The following COL12A1 variants were observed in gnomAD, a reference collection of about 807,000 sequenced individuals.
The protein encoded by COL12A1 is collagen alpha-1(XII) chain.
Under a neutral mutation model 349.7 loss-of-function variants are expected in COL12A1, and 114 were observed. The ratio of observed to expected loss-of-function variants is 0.33; its 90% CI spans 0.28 to 0.38. The LOEUF is 0.38. Among genes scored for constraint, COL12A1 ranks in the 10% least tolerant of loss-of-function variants. The pLI, the probability that COL12A1 is intolerant of heterozygous loss-of-function variation, is 1.00. For synonymous variants in COL12A1, 1,369 were observed against 1,329.0 expected, an observed-to-expected ratio of 1.03 and a Z score of -0.66; for missense variants, 3,284 against 3,756.9, an observed-to-expected ratio of 0.87 and a Z score of 3.29.
chr6:75,205,817 C>T lies in COL12A1; in HGVS notation c.-76G>A. ...CAGGGAGAGGTAGCGGCGGCGACAGCGGCTTCCCGGCGTCGGAGAAGCTGG... is the reference window on the plus strand; with the variant it reads ...CAGGGAGAGGTAGCGGCGGCGACAGTGGCTTCCCGGCGTCGGAGAAGCTGG... On this transcript the variant is annotated 5_prime_UTR_variant, in exon 1 of 66. Transcript: ENST00000322507. 1.3e-5 allele frequency: 2 copies of T among 156,860 alleles called. No homozygotes were observed. Among genetic ancestry groups the T allele is most frequent in the South Asian group, 4.0e-4 (2 of 5,000 alleles). 9.7% of individuals were successfully genotyped at this position (156,860 alleles called of 1,614,324 possible).
At chr6:75,177,477 C>T (rs560994186) in intron 12 of COL12A1, among the ~76,000 whole-genome samples, 186 bp downstream of exon 12, 1 of 152,026 alleles carries the variant, frequency 6.6e-6, no homozygotes, top group Admixed American at 6.6e-5. Context: ...TCTATTGACA[C>T]AAGTAAATAA....
chr6:75,155,551 G>T, intron 16 of COL12A1, 111 bp downstream of exon 16: 1 of 1,085,484 alleles, frequency 9.2e-7, no homozygotes, highest in Non-Finnish European at 1.3e-6. Flanking sequence ...TACTTTGCTG[G>T]CAAACAGACA....
intron 11 of COL12A1, among the ~76,000 whole-genome samples, chr6:75,179,337 T>C (rs1013080922): frequency 1.3e-5 from 2 of 152,072 alleles, no homozygotes; most frequent in African/African-American, 4.8e-5. Flanking sequence ...TTGAGACAGA[T>C]TTCCCATTCC....
intron 41 of COL12A1, 36 bp downstream of exon 41, chr6:75,124,219 T>A (rs751253655): frequency 1.9e-6 from 3 of 1,601,448 alleles, no homozygotes; most frequent in Non-Finnish European, 2.6e-6. Context: ...TTCCACTACA[T>A]GCTCCAGATC....
In COL12A1 at chr6:75,137,526, G is replaced by A. The variant is rs764998204; in HGVS notation, c.5305C>T (p.Leu1769=). Residue 1769 remains leucine (L), a synonymous_variant, in exon 31 of 66, where the codon CTG becomes TTG. Coordinates refer to ENST00000322507, the MANE Select transcript of COL12A1 (RefSeq NM_004370.6). ...CTAGCAGGATCCCACTTAACAGTCA[G>A]GCTGTTAGATGTTGCATTGTACACT... ...LQVYNATSNS[L]TVKWDPASGR... 6.2e-7 allele frequency: 1 copy of A among 1,613,836 alleles called. No individual in the cohort carries two copies. The highest frequency in any genetic ancestry group is 2.2e-5 in the East Asian group (1 of 44,834).
At chr6:75,189,437 C>A in intron 6 of COL12A1, 56 bp from the exon 7 acceptor site, 2 of 1,582,700 alleles carry the variant, frequency 1.3e-6, no homozygotes, top group South Asian at 2.3e-5. Flanking sequence ...TTTCCAAAGT[C>A]AAAAACTATG....
At chr6:75,101,337 A>G (rs1768292765) in intron 58 of COL12A1, among the ~76,000 whole-genome samples, 1 of 152,198 alleles carries the variant, frequency 6.6e-6, no homozygotes, top group Non-Finnish European at 1.5e-5. Flanking sequence ...CCTTTTCTGG[A>G]CTTCTTTTTA....
rs1766109499 is a variant in COL12A1, at chr6:75,128,158, T to C, written c.6340+138A>G. 7 of 730,806 alleles carry C rather than the reference T, an allele frequency of 9.6e-6. No homozygotes were observed. The South Asian group carries it at 2.4e-4, about 25-fold the overall frequency. The allele number at this position is 730,806 out of a possible 1,614,324, so 45.3% of individuals were successfully genotyped here. A position where few individuals can be genotyped will look rare whatever the true frequency, so the allele number is the denominator to read the frequency against. On this transcript the variant is annotated intron_variant, in intron 38 of 65. Coordinates refer to ENST00000322507, the MANE Select transcript of COL12A1 (RefSeq NM_004370.6). ...CATTTTGACAAAATTTAATGTCTAA[T>C]AAAAATAATACAATATTAGTGTGGT...
intron 40 of COL12A1, 130 bp downstream of exon 40, chr6:75,124,997 G>A: frequency 1.4e-6 from 1 of 690,636 alleles, no homozygotes; most frequent in Non-Finnish European, 2.1e-6. Context: ...TGTCTAACCA[G>A]ACACAAAATA....
At chr6:75,125,870 C>T (rs1458110098) in intron 39 of COL12A1, among the ~76,000 whole-genome samples, 1 of 151,836 alleles carries the variant, frequency 6.6e-6, no homozygotes, top group Non-Finnish European at 1.5e-5. Flanking sequence ...AGAATACAGA[C>T]AAAATATTAA....
At chr6:75,128,535 T>A in intron 37 of COL12A1, 110 bp from the exon 38 acceptor site, 1 of 942,616 alleles carries the variant, frequency 1.1e-6, no homozygotes, top group South Asian at 3.9e-5. Context: ...TTTTTTCACA[T>A]TTTATTTTTG....
In COL12A1 at chr6:75,105,256, A is replaced by G. The variant is rs376478905; in HGVS notation, c.8215T>C (p.Cys2739Arg). The part of the protein sequence containing the change: ...EGKCPAFPNS[C>R]TCTQDSVGPP... ...CCAACGCTGTCCTGTGTACATGTGC[A>G]AGAATTTGGAAAAGCAGGGCATTTT... is the stretch of plus-strand genomic sequence containing the variant. The change falls in exon 54 of 66, where the codon TGC (cysteine) becomes CGC (arginine). Residue 2739 changes from cysteine to arginine, a missense_variant. This residue lies in a region of COL12A1 where 683 missense variants were observed against 932.1 expected (regional missense o/e 0.73). Coordinates refer to ENST00000322507, the MANE Select transcript of COL12A1 (RefSeq NM_004370.6). 1.9e-6 allele frequency: 3 copies of G among 1,613,768 alleles called. No homozygotes were observed. The highest frequency in any genetic ancestry group is 1.7e-6 in the Non-Finnish European group (2 of 1,179,898).
At chr6:75,104,873 A>G (rs1768471443) in intron 54 of COL12A1, among the ~76,000 whole-genome samples, 3 of 152,234 alleles carry the variant, frequency 2.0e-5, no homozygotes, top group Admixed American at 2.0e-4. Flanking sequence ...CAAACATATA[A>G]GAAGCTTTCA....
intron 13 of COL12A1, among the ~76,000 whole-genome samples, chr6:75,168,212 C>T (rs1426191166): frequency 1.3e-5 from 2 of 152,156 alleles, no homozygotes; most frequent in Admixed American, 1.3e-4. Flanking sequence ...TTAAATCCAT[C>T]CTGCTCCCCA....
chr6:75,097,233 G>A lies in COL12A1; in HGVS notation c.8577+20C>T, dbSNP rs1194003667. 1.9e-6 allele frequency: 3 copies of A among 1,611,518 alleles called. No homozygotes were observed. The highest frequency in any genetic ancestry group is 2.2e-5 in the South Asian group (2 of 90,666). On this transcript the variant is annotated intron_variant, in intron 59 of 65. Coordinates refer to ENST00000322507, the MANE Select transcript of COL12A1 (RefSeq NM_004370.6). ...GGGTGGGAGTGAAGGGCACAAAAAT[G>A]AGACACATTTAGTTCTTACCGGCGG...
intron 13 of COL12A1, among the ~76,000 whole-genome samples, chr6:75,174,453 T>G (rs938908862): frequency 1.8e-4 from 28 of 152,126 alleles, no homozygotes; most frequent in Admixed American, 1.2e-3. Flanking sequence ...CTACTTGGGA[T>G]GCTGAGGCAG....
chr6:75,133,367 G>T lies in COL12A1; in HGVS notation c.5720C>A (p.Thr1907Asn). Reference sequence around the variant, plus strand: ...GGGAACTACAGTCACAGTGTATGAGGTATCTGGCTGCAGATTCCTAAGAAT... The same window carrying T: ...GGGAACTACAGTCACAGTGTATGAGTTATCTGGCTGCAGATTCCTAAGAAT... ...YAILRNLQPD[T>N]SYTVTVVPVY... The change falls in exon 34 of 66, where the codon ACC becomes AAC. Residue 1907 changes from threonine to asparagine, a missense_variant. This residue lies in a region of COL12A1 where 2,601 missense variants were observed against 2,824.8 expected (regional missense o/e 0.92). Coordinates refer to ENST00000322507, the MANE Select transcript of COL12A1 (RefSeq NM_004370.6). 6.2e-7 allele frequency: 1 copy of T among 1,613,016 alleles called. No individual in the cohort carries two copies. Among genetic ancestry groups the T allele is most frequent in the Non-Finnish European group, 8.5e-7 (1 of 1,179,468 alleles).
chr6:75,151,057 T>TGGGGG, intron 21 of COL12A1, 84 bp downstream of exon 21: 3 of 426,060 alleles, frequency 7.0e-6, no homozygotes, highest in Non-Finnish European at 9.1e-6. Context: ...CACAAAATAG[T>TGGGGG]GCCCTCCCCC....
At chr6:75,126,274 G>A in intron 39 of COL12A1, 77 bp downstream of exon 39, 1 of 1,494,954 alleles carries the variant, frequency 6.7e-7, no homozygotes, top group Non-Finnish European at 9.1e-7. Flanking sequence ...CCCAACAGTG[G>A]GGGATGAAAG....
Sources: gnomAD v4.1 joint callset for allele counts (sites outside exome capture counted in the v4.1 genomes callset) on GRCh38, gnomAD v4.1.1 for gene constraint, gnomAD v4.1.1 regional missense constraint, MANE v1.5 for transcripts, NCBI Gene and HGNC (gene_info 2026-07-23, HGNC 2026-07-21) for gene names.